Variants in DDX60L observed in about 807,000 individuals in gnomAD.
The protein encoded by DDX60L is probable ATP-dependent RNA helicase DDX60-like.
DDX60L carries 191 observed loss-of-function variants against 211.6 expected under a neutral mutation model. The ratio of observed to expected loss-of-function variants is 0.90; its 90% CI spans 0.80 to 1.02. DDX60L has a LOEUF of 1.02. DDX60L is among the 50% of genes least tolerant of loss of function. The pLI is 0.00. For missense variants in DDX60L, 2,007 were observed against 1,984.1 expected, an observed-to-expected ratio of 1.01 and a Z score of -0.22; for synonymous variants, 706 against 694.1, an observed-to-expected ratio of 1.02 and a Z score of -0.27.
In DDX60L at chr4:168,378,377, T is replaced by C. The variant is rs13110927; in HGVS notation, c.4462A>G (p.Asn1488Asp). 708,825 of 1,442,048 alleles carry C rather than the reference T, an allele frequency of 0.49. 178,480 individuals are homozygous for C. The highest frequency in any genetic ancestry group is 0.61 in the East Asian group (25,211 of 41,124). The allele number at this position is 1,442,048 out of a possible 1,614,324, so 89.3% of individuals were successfully genotyped here. ...KYIPAKFQNA[N>D]LSFSQSKVIL... ...ACCTTTGACTGAGAAAAACTTAAAT[T>C]AGCATTTTGGAATTTTGCTGGAATA... Residue 1488 changes from asparagine to aspartate, a missense_variant, in exon 33 of 38, where the codon AAT (asparagine) becomes GAT (aspartate). Coordinates refer to ENST00000682922, the MANE Select transcript of DDX60L (RefSeq NM_001012967.3).
chr4:168,361,626 T>G (rs947544803), intron 36 of DDX60L, among the ~76,000 whole-genome samples: 1 of 152,210 alleles, frequency 6.6e-6, no homozygotes, highest in Admixed American at 6.5e-5. Flanking sequence ...TTGTCAAGAA[T>G]AGGAGAACAT....
At chr4:168,411,227 G>A (rs1323932679) in intron 22 of DDX60L, among the ~76,000 whole-genome samples, 1 of 152,152 alleles carries the variant, frequency 6.6e-6, no homozygotes, top group African/African-American at 2.4e-5. Context: ...GAACAACTAT[G>A]CACACAAAAG....
chr4:168,379,961 G>A, intron 30 of DDX60L, 131 bp from the exon 31 acceptor site: 2 of 572,182 alleles, frequency 3.5e-6, no homozygotes, highest in Non-Finnish European at 6.0e-6. Flanking sequence ...AATTTCATTT[G>A]ATTTCATATT....
At chr4:168,454,178 T>C (rs968027488) in intron 7 of DDX60L, among the ~76,000 whole-genome samples, 70 of 152,286 alleles carry the variant, frequency 4.6e-4, no homozygotes, top group African/African-American at 1.6e-3. Flanking sequence ...ATTCTGACAA[T>C]CATGCTGAAA....
chr4:168,408,998 GAACA>G (rs1748221501), intron 22 of DDX60L, among the ~76,000 whole-genome samples: 1 of 152,140 alleles, frequency 6.6e-6, no homozygotes, highest in South Asian at 2.1e-4. Flanking sequence ...CCTCATGAAT[GAACA>G]ATTTCAGTGT....
Position 168,379,748 on chromosome 4 carries a change from G to C in DDX60L, c.4199C>G (p.Ser1400Cys). Residue 1400 changes from serine (S) to cysteine (C), a missense_variant, in exon 31 of 38, where the codon TCC becomes TGC. Transcript: ENST00000682922. ...METLKLYFLF[S>C]LQLLIKEDYL... ...TACCTCTTTGATAAGGAGCTGCAAG[G>C]AAAACAAAAAGTAAAGTTTCAAAGT... 1 of 1,612,810 alleles carries C rather than the reference G, an allele frequency of 6.2e-7. No homozygotes were observed. Among genetic ancestry groups the C allele is most frequent in the Non-Finnish European group, 8.5e-7 (1 of 1,179,286 alleles).
Position 168,357,335 on chromosome 4 carries a change from A to G in DDX60L, c.*812T>C, listed in dbSNP as rs890271784. 10 of 152,228 alleles carry G rather than the reference A, an allele frequency of 6.6e-5. No individual in the cohort carries two copies. Among genetic ancestry groups the G allele is most frequent in the Non-Finnish European group, 1.5e-4 (10 of 68,042 alleles). The allele number at this position is 152,228 out of a possible 1,614,324, so 9.4% of individuals were successfully genotyped here. ...CAAGTGACTGTTTTAGTCAATTCAG[A>G]CTGCTTCAACAGAAAACCACAGACT... On this transcript the variant is annotated 3_prime_UTR_variant, in exon 38 of 38. Transcript: ENST00000682922.
intron 27 of DDX60L, among the ~76,000 whole-genome samples, chr4:168,395,077 T>C (rs1322359660): frequency 1.3e-5 from 2 of 152,296 alleles, no homozygotes; most frequent in East Asian, 3.9e-4. Context: ...CATACCCTCA[T>C]AGCCTCACTT....
chr4:168,452,182 T>A (rs138855501), intron 8 of DDX60L, among the ~76,000 whole-genome samples: 1 of 152,344 alleles, frequency 6.6e-6, no homozygotes, highest in East Asian at 1.9e-4. Context: ...ACCAGCTGCC[T>A]GACAGACTGG....
In DDX60L at chr4:168,471,844, A is replaced by G. The variant is rs1246065734; in HGVS notation, c.167T>C (p.Phe56Ser). Reference sequence around the variant, plus strand: ...AAAGTGGAGATTCTGTCCCCACTTGAATGATTTTACACCCAGGCATGTGAC... The same window carrying G: ...AAAGTGGAGATTCTGTCCCCACTTGGATGATTTTACACCCAGGCATGTGAC... Reference protein sequence around the residue: ...LLVTCLGVKSFKWGQNLHFFY... With the variant: ...LLVTCLGVKSSKWGQNLHFFY... The change falls in exon 4 of 38, where the codon TTC becomes TCC. Residue 56 changes from phenylalanine (F) to serine (S), a missense_variant. Physicochemically the swap from Phe to Ser is radical, Grantham distance 155. Coordinates refer to ENST00000682922, the MANE Select transcript of DDX60L (RefSeq NM_001012967.3). 2 of 1,613,672 alleles carry G rather than the reference A, an allele frequency of 1.2e-6. No homozygotes were observed. The highest frequency in any genetic ancestry group is 3.3e-5 in the Admixed American group (2 of 59,948).
intron 14 of DDX60L, among the ~76,000 whole-genome samples, chr4:168,424,154 A>G (rs1751096895): frequency 6.6e-6 from 1 of 152,242 alleles, no homozygotes; most frequent in Admixed American, 6.5e-5. Context: ...TTCACAGGAA[A>G]AAGTCCTATG....
chr4:168,427,491 A>G (rs2149915608), intron 13 of DDX60L, among the ~76,000 whole-genome samples, 169 bp from the exon 14 acceptor site: 1 of 152,358 alleles, frequency 6.6e-6, no homozygotes, highest in East Asian at 1.9e-4. Flanking sequence ...TGTATGATGC[A>G]AACCTACTTA....
Position 168,427,069 on chromosome 4 carries a change from C to T in DDX60L, c.1930+1G>A, listed in dbSNP as rs1561050255. Reference sequence around the variant, plus strand: ...TATCCATAGAGTATGGAGTCCCATACCTTCACCTCGGCAATGTTTTTTCCA... The same window carrying T: ...TATCCATAGAGTATGGAGTCCCATATCTTCACCTCGGCAATGTTTTTTCCA... On this transcript the variant is annotated splice_donor_variant, in intron 14 of 37. Transcript: ENST00000682922. LOFTEE classifies it high-confidence loss of function. The T allele has an allele frequency of 6.3e-7, 1 of 1,599,470 alleles. No homozygotes were observed. Among genetic ancestry groups the T allele is most frequent in the South Asian group, 1.1e-5 (1 of 88,796 alleles).
chr4:168,425,157 T>G (rs1296575342), intron 14 of DDX60L, among the ~76,000 whole-genome samples: 2 of 152,228 alleles, frequency 1.3e-5, no homozygotes, highest in Non-Finnish European at 1.5e-5. Context: ...TGGACTTCTT[T>G]TACATGAAAG....
At chr4:168,441,553 G>T in intron 9 of DDX60L, 61 bp from the exon 10 acceptor site, 3 of 1,355,490 alleles carry the variant, frequency 2.2e-6, no homozygotes, top group Non-Finnish European at 3.0e-6. Context: ...CACACACAGA[G>T]CATCTTTTTT....
At chr4:168,453,968 G>A (rs1756170809) in intron 7 of DDX60L, among the ~76,000 whole-genome samples, 1 of 152,066 alleles carries the variant, frequency 6.6e-6, no homozygotes, top group African/African-American at 2.4e-5. Context: ...ATTCAAATGA[G>A]ACAGTGATCC....
At chr4:168,400,745 G>A (rs1746646839) in intron 26 of DDX60L, 81 bp downstream of exon 26, 1 of 1,236,914 alleles carries the variant, frequency 8.1e-7, no homozygotes, top group Non-Finnish European at 1.1e-6. Context: ...TGTGGCTCAG[G>A]TCTCTAAACA....
rs1433515598 is a variant in DDX60L at position 168,453,203 on chromosome 4, T to C, written c.917A>G (p.His306Arg). The C allele has an allele frequency of 7.4e-6, 12 of 1,613,326 alleles. No individual in the cohort carries two copies. Among genetic ancestry groups the C allele is most frequent in the South Asian group, 4.4e-5 (4 of 90,998 alleles). ...LRCLCVAFQL[H>R]LPLSQRACSR... is the part of the protein sequence containing the mutation. ...ACAAGCTCTCTGAGAAAGGGGTAAG[T>C]GGAGTTGAAAAGCCACACAGAGGCA... The change falls in exon 8 of 38, where the codon CAC (histidine) becomes CGC (arginine). Residue 306 changes from histidine (H) to arginine (R), a missense_variant. Physicochemically the swap from His to Arg is conservative, Grantham distance 29 (BLOSUM62 0). Coordinates refer to ENST00000682922, the MANE Select transcript of DDX60L (RefSeq NM_001012967.3).
intron 14 of DDX60L, among the ~76,000 whole-genome samples, chr4:168,424,169 T>C (rs1258327102): frequency 6.6e-6 from 1 of 152,228 alleles, no homozygotes; most frequent in Non-Finnish European, 1.5e-5. Flanking sequence ...CCTATGATTT[T>C]AGATGCCTGA....
Sources: allele counts gnomAD v4.1 joint callset (sites outside exome capture counted in the v4.1 genomes callset), GRCh38; gene constraint gnomAD v4.1.1; transcripts MANE v1.5; gene names NCBI Gene and HGNC (gene_info 2026-07-23, HGNC 2026-07-21).